Variants in TEC observed in about 807,000 individuals in gnomAD.
TEC encodes tyrosine-protein kinase Tec.
Under a neutral mutation model 93.0 loss-of-function variants are expected in TEC, and 72 were observed. That is an observed-to-expected ratio of 0.77 (90% CI 0.64 to 0.94). TEC has a LOEUF of 0.94. Among genes scored for constraint, TEC ranks in the 40% least tolerant of loss-of-function variants. The pLI is 0.00. For missense variants in TEC, 630 were observed against 757.9 expected, an observed-to-expected ratio of 0.83 and a Z score of 1.98; for synonymous variants, 249 against 247.7, an observed-to-expected ratio of 1.01 and a Z score of -0.05.
At chr4:48,187,105 GGGAT>G (rs1721905823) in intron 2 of TEC, among the ~76,000 whole-genome samples, 1 of 152,202 alleles carries the variant, frequency 6.6e-6, no homozygotes. Flanking sequence ...CTTCTGCCTT[GGGAT>G]GCTGTTAATC....
intron 12 of TEC, 127 bp from the exon 13 acceptor site, chr4:48,145,706 G>A: frequency 1.9e-6 from 2 of 1,055,288 alleles, no homozygotes; most frequent in African/African-American, 3.2e-5. Context: ...AATAATTCCT[G>A]GTAAAACACA....
chr4:48,182,860 T>C (rs1184760142), intron 2 of TEC, among the ~76,000 whole-genome samples: 2 of 152,120 alleles, frequency 1.3e-5, no homozygotes, highest in Non-Finnish European at 2.9e-5. Flanking sequence ...TGTATACAAA[T>C]AACCAGGCTG....
At chr4:48,266,470 C>G (rs1181146913) in intron 1 of TEC, among the ~76,000 whole-genome samples, 1 of 152,180 alleles carries the variant, frequency 6.6e-6, no homozygotes, top group East Asian at 1.9e-4. Context: ...ATTTGGAAAA[C>G]TGGCCAAGAG....
intron 2 of TEC, among the ~76,000 whole-genome samples, chr4:48,220,623 G>C (rs1302086160): frequency 6.6e-6 from 1 of 152,198 alleles, no homozygotes; most frequent in African/African-American, 2.4e-5. Flanking sequence ...CTGCAGAACA[G>C]TGAGCTAAAT....
At position 48,138,977 on chromosome 4, in the gene TEC, A is replaced by T. The variant is rs1422989284; in HGVS notation, c.1581T>A (p.Phe527Leu). The change falls in exon 16 of 18, where the codon TTT (phenylalanine) becomes TTA (leucine). Residue 527 changes from phenylalanine (F) to leucine (L), a missense_variant. Physicochemically the swap from Phe to Leu is conservative, Grantham distance 22. Around this residue, in one of 3 missense-constraint regions of TEC, gnomAD observed 289 missense variants for 390.0 expected, o/e 0.74. Coordinates refer to ENST00000381501, the MANE Select transcript of TEC (RefSeq NM_003215.3). ...DQYTSSSGAKFPVKWCPPEVF... is the reference protein window; with the variant it reads ...DQYTSSSGAKLPVKWCPPEVF... ...CTTCAGGTGGACACCACTTCACAGG[A>T]AACTTAGCACCAGAAGAACTTGTGT... 4 of 1,614,240 alleles carry T rather than the reference A, an allele frequency of 2.5e-6. No homozygotes were observed. The Admixed American group carries it at 6.7e-5, about 27-fold the overall frequency.
chr4:48,231,112 C>G (rs1307684923), intron 1 of TEC, among the ~76,000 whole-genome samples: 1 of 152,150 alleles, frequency 6.6e-6, no homozygotes, highest in Non-Finnish European at 1.5e-5. Context: ...TTCAGTTGGT[C>G]TGGGGAGGAG....
intron 2 of TEC, among the ~76,000 whole-genome samples, chr4:48,183,472 C>G (rs528467432): frequency 6.6e-6 from 1 of 152,312 alleles, no homozygotes; most frequent in Admixed American, 6.5e-5. Context: ...CCTCTGCCAT[C>G]GCAGATGGGC....
chr4:48,186,837 T>C (rs866216866), intron 2 of TEC, among the ~76,000 whole-genome samples: 115 of 130,116 alleles, frequency 8.8e-4, no homozygotes, highest in Middle Eastern at 6.7e-3. Context: ...GCCCACCCAC[T>C]GCCCCGTCTG....
intron 2 of TEC, among the ~76,000 whole-genome samples, chr4:48,206,777 CAA>C (rs34761710): frequency 0.31 from 27,222 of 88,826 alleles, 1,546 homozygotes; most frequent in East Asian, 0.51. Flanking sequence ...CTCGTTGCTA[CAA>C]AAAAAAAAAA....
At chr4:48,236,892 T>C (rs1232017784) in intron 1 of TEC, among the ~76,000 whole-genome samples, 6 of 152,214 alleles carry the variant, frequency 3.9e-5, no homozygotes, top group Non-Finnish European at 7.3e-5. Flanking sequence ...TTTTTCATCA[T>C]GAAAAATTCT....
chr4:48,148,733 T>A (rs1210509319), intron 11 of TEC, among the ~76,000 whole-genome samples: 1 of 152,218 alleles, frequency 6.6e-6, no homozygotes, highest in Admixed American at 6.5e-5. Flanking sequence ...GGTAAACTTG[T>A]GTCATGGGGG....
chr4:48,236,430 C>T (rs1235033722), intron 1 of TEC, among the ~76,000 whole-genome samples: 3 of 151,948 alleles, frequency 2.0e-5, no homozygotes, highest in Non-Finnish European at 4.4e-5. Context: ...TACAGGCGCC[C>T]GCCACTACGC....
At chr4:48,267,920 G>A (rs1224882043) in intron 1 of TEC, among the ~76,000 whole-genome samples, 1 of 152,232 alleles carries the variant, frequency 6.6e-6, no homozygotes, top group African/African-American at 2.4e-5. Context: ...TGTAGGCAGA[G>A]GTGTGGCTGG....
chr4:48,237,056 G>A (rs1723805675), intron 1 of TEC, among the ~76,000 whole-genome samples: 1 of 152,186 alleles, frequency 6.6e-6, no homozygotes, highest in Admixed American at 6.5e-5. Context: ...AATAGGCCAG[G>A]TGCGGTGACT....
intron 14 of TEC, among the ~76,000 whole-genome samples, chr4:48,143,601 T>C (rs1560372442): frequency 6.6e-6 from 1 of 152,198 alleles, no homozygotes; most frequent in East Asian, 1.9e-4. Flanking sequence ...ACACAGAAAC[T>C]GAATATAAGA....
At chr4:48,152,454 A>G (rs1473756361) in intron 9 of TEC, among the ~76,000 whole-genome samples, 1 of 151,792 alleles carries the variant, frequency 6.6e-6, no homozygotes, top group Non-Finnish European at 1.5e-5. Context: ...ATAAATAAAT[A>G]AATAAATAAA....
At chr4:48,173,026 A>G (rs4695348) in intron 3 of TEC, among the ~76,000 whole-genome samples, 57,686 of 152,070 alleles carry the variant, frequency 0.38, 11,974 homozygotes, top group East Asian at 0.9. Context: ...AATTGGGCTA[A>G]GCACTTTATA....
chr4:48,156,163 G>GTTTC (rs1029506909), intron 9 of TEC, among the ~76,000 whole-genome samples: 2 of 152,200 alleles, frequency 1.3e-5, no homozygotes, highest in Non-Finnish European at 1.5e-5. Flanking sequence ...GTAAGGGCCA[G>GTTTC]TTTCAAGGTG....
intron 2 of TEC, among the ~76,000 whole-genome samples, chr4:48,212,110 A>AAAAAAAAAAAAAAATATAT: frequency 8.2e-6 from 1 of 122,266 alleles, no homozygotes; most frequent in African/African-American, 3.0e-5. Context: ...AAAAAAAAAA[A>AAAAAAAAAAAAAAATATAT]ATATATATAT....
Sources: gnomAD v4.1 joint callset for allele counts (sites outside exome capture counted in the v4.1 genomes callset) on GRCh38, gnomAD v4.1.1 for gene constraint, gnomAD v4.1.1 regional missense constraint, MANE v1.5 for transcripts, NCBI Gene and HGNC (gene_info 2026-07-23, HGNC 2026-07-21) for gene names.